The following ARB2A variants were observed in gnomAD, a reference collection of about 807,000 sequenced individuals.
ARB2A encodes cotranscriptional regulator ARB2A.
the ARB2A span, chr5:94,074,730 A>C: frequency 6.2e-7 from 1 of 1,612,704 alleles, no homozygotes; most frequent in Non-Finnish European, 8.5e-7. Flanking sequence ...AACAAAATTA[A>C]AGAGCTCAAG....
At chr5:93,776,077 C>A in the ARB2A span, 1 of 1,151,516 alleles carries the variant, frequency 8.7e-7, no homozygotes, top group African/African-American at 1.6e-5. Context: ...AACTAATTCA[C>A]AAAACAGAAT....
chr5:94,054,610 C>T, the ARB2A span, among the ~76,000 whole-genome samples: 1 of 152,134 alleles, frequency 6.6e-6, no homozygotes. Context: ...CAGGCCTCTC[C>T]ACTATAACGT....
the ARB2A span, among the ~76,000 whole-genome samples, chr5:93,624,731 G>C: frequency 6.6e-6 from 1 of 152,170 alleles, no homozygotes; most frequent in Non-Finnish European, 1.5e-5. Context: ...TATTTATTGG[G>C]AGAAGGACAG....
the ARB2A span, among the ~76,000 whole-genome samples, chr5:94,003,100 T>A: frequency 6.6e-6 from 1 of 152,140 alleles, no homozygotes; most frequent in South Asian, 2.1e-4. Context: ...ATATGCAAAT[T>A]CCAGCTACTG....
At chr5:94,030,645 T>C in the ARB2A span, among the ~76,000 whole-genome samples, 2 of 152,222 alleles carry the variant, frequency 1.3e-5, no homozygotes, top group African/African-American at 4.8e-5. Context: ...CAGCATGCTA[T>C]GGTTTGGTTG....
the ARB2A span, among the ~76,000 whole-genome samples, chr5:94,075,609 CT>C: frequency 1.3e-5 from 2 of 152,182 alleles, no homozygotes; most frequent in South Asian, 2.1e-4. Flanking sequence ...TATATAAAAA[CT>C]ACATTCATGA....
chr5:93,879,869 T>C, the ARB2A span, among the ~76,000 whole-genome samples: 1 of 152,032 alleles, frequency 6.6e-6, no homozygotes, highest in East Asian at 1.9e-4. Context: ...GTATTCCTTA[T>C]AATTTTATAT....
At chr5:93,865,271 T>C in the ARB2A span, 12 of 361,984 alleles carry the variant, frequency 3.3e-5, no homozygotes, top group South Asian at 5.6e-4. Context: ...TTAATAGAGA[T>C]GGGGTTTCAC....
At chr5:93,737,847 C>G in the ARB2A span, 1 of 418,914 alleles carries the variant, frequency 2.4e-6, no homozygotes, top group Admixed American at 3.0e-5. Flanking sequence ...TGAAATGGAT[C>G]AAAGTCCTAA....
At chr5:93,763,343 T>C in the ARB2A span, among the ~76,000 whole-genome samples, 1 of 152,004 alleles carries the variant, frequency 6.6e-6, no homozygotes, top group African/African-American at 2.4e-5. Flanking sequence ...AATAAAGGGA[T>C]GGAGGAAGAT....
chr5:93,755,654 C>T, the ARB2A span, among the ~76,000 whole-genome samples: 1 of 152,196 alleles, frequency 6.6e-6, no homozygotes, highest in African/African-American at 2.4e-5. Context: ...AAGTTTCCAA[C>T]CTTACCTGGA....
At chr5:93,836,139 T>C in the ARB2A span, among the ~76,000 whole-genome samples, 2 of 152,206 alleles carry the variant, frequency 1.3e-5, no homozygotes, top group African/African-American at 4.8e-5. Flanking sequence ...GCCATTCTCC[T>C]GCCTCAGCCT....
chr5:93,931,421 G>A, the ARB2A span, among the ~76,000 whole-genome samples: 2 of 152,246 alleles, frequency 1.3e-5, no homozygotes, highest in South Asian at 2.1e-4. Context: ...CCAAGATTGC[G>A]CCATTGTATT....
At chr5:93,964,467 T>G in the ARB2A span, 6 of 1,570,036 alleles carry the variant, frequency 3.8e-6, no homozygotes, top group East Asian at 6.8e-5. Flanking sequence ...CTGGAATAGA[T>G]ACTTTTTTCA....
At chr5:94,092,592 C>T in the ARB2A span, among the ~76,000 whole-genome samples, 3 of 151,950 alleles carry the variant, frequency 2.0e-5, no homozygotes, top group South Asian at 6.2e-4. Context: ...AATGTTATTC[C>T]ATTTCAGTTC....
At chr5:93,758,085 A>T in the ARB2A span, among the ~76,000 whole-genome samples, 3 of 152,174 alleles carry the variant, frequency 2.0e-5, no homozygotes, top group Non-Finnish European at 4.4e-5. Context: ...AAAAGCAAGC[A>T]GAGGTAGCTA....
At chr5:93,706,980 G>C in the ARB2A span, among the ~76,000 whole-genome samples, 10 of 151,858 alleles carry the variant, frequency 6.6e-5, no homozygotes, top group African/African-American at 2.4e-4. Flanking sequence ...ATGATCATAA[G>C]AGCTCTTTTT....
chr5:93,875,534 G>A, the ARB2A span, among the ~76,000 whole-genome samples: 27 of 152,046 alleles, frequency 1.8e-4, no homozygotes, highest in East Asian at 7.7e-4. Flanking sequence ...ACCCAGCCTC[G>A]GACTGCATTT....
At chr5:93,941,370 G>A in the ARB2A span, among the ~76,000 whole-genome samples, 4 of 152,060 alleles carry the variant, frequency 2.6e-5, no homozygotes, top group African/African-American at 9.7e-5. Flanking sequence ...CCAGATCGTG[G>A]ATATAGTAGC....
Sources: gnomAD v4.1 joint callset for allele counts (sites outside exome capture counted in the v4.1 genomes callset) on GRCh38, gnomAD v4.1.1 for gene constraint, MANE v1.5 for transcripts, NCBI Gene and HGNC (gene_info 2026-07-23, HGNC 2026-07-21) for gene names.